KCNN2: variants seen among roughly 807,000 people sequenced by gnomAD.
The protein encoded by KCNN2 is potassium calcium-activated channel subfamily N member 2, also known as small conductance calcium-activated potassium channel protein 2.
A neutral mutation model predicts 55.5 loss-of-function variants in KCNN2; 24 were observed. The observed-to-expected ratio is 0.43, with a 90% confidence interval of 0.31 to 0.61. The LOEUF (loss-of-function observed/expected upper bound fraction) is 0.61, where lower values mean the gene tolerates loss of function less well. Among genes scored for constraint, KCNN2 ranks in the 20% least tolerant of loss-of-function variants. KCNN2 has a pLI of 0.08. For synonymous variants in KCNN2, 431 were observed against 336.1 expected (o/e 1.28, Z -3.09); for missense variants, 754 against 853.6 (o/e 0.88, Z 1.45).
At chr5:114,297,508 G>T (rs1198410412) in intron 2 of KCNN2, among the ~76,000 whole-genome samples, 2 of 152,058 alleles carry the variant, frequency 1.3e-5, no homozygotes, top group Non-Finnish European at 2.9e-5. Flanking sequence ...TTTACATTAG[G>T]TATGTAAATT....
chr5:114,386,430 A>G (rs1214694955), intron 2 of KCNN2, among the ~76,000 whole-genome samples: 2 of 152,166 alleles, frequency 1.3e-5, no homozygotes, highest in Non-Finnish European at 2.9e-5. Context: ...TTGAGTTCTT[A>G]TTTATAATGG....
intron 1 of KCNN2, among the ~76,000 whole-genome samples, chr5:114,131,322 C>T (rs976365458): frequency 6.6e-6 from 1 of 152,106 alleles, no homozygotes; most frequent in Non-Finnish European, 1.5e-5. Context: ...TCCTCCTGAC[C>T]CCCATGTGTC....
intron 3 of KCNN2, among the ~76,000 whole-genome samples, chr5:114,409,324 T>C (rs1445405006): frequency 6.8e-6 from 1 of 146,810 alleles, no homozygotes; most frequent in Non-Finnish European, 1.5e-5. Context: ...GTTTGTAAGA[T>C]ACAAAGATAA....
At chr5:114,294,086 T>C (rs1181068835) in intron 2 of KCNN2, among the ~76,000 whole-genome samples, 6 of 152,128 alleles carry the variant, frequency 3.9e-5, no homozygotes, top group Non-Finnish European at 7.4e-5. Flanking sequence ...TCTCTCTTTT[T>C]TTCTTTATTA....
At chr5:114,284,593 C>G (rs1213237105) in intron 2 of KCNN2, among the ~76,000 whole-genome samples, 1 of 152,128 alleles carries the variant, frequency 6.6e-6, no homozygotes, top group Non-Finnish European at 1.5e-5. Flanking sequence ...TCTTGGCTCA[C>G]TGCAATCTTT....
At chr5:114,057,677 T>G (rs1201128599) in intron 1 of KCNN2, among the ~76,000 whole-genome samples, 4 of 152,096 alleles carry the variant, frequency 2.6e-5, no homozygotes, top group Non-Finnish European at 5.9e-5. Context: ...CAGAGTAATG[T>G]GCTAGACTGG....
intron 2 of KCNN2, among the ~76,000 whole-genome samples, chr5:114,240,217 T>A (rs529535563): frequency 6.6e-6 from 1 of 151,980 alleles, no homozygotes; most frequent in Non-Finnish European, 1.5e-5. Context: ...AAATCACATA[T>A]AAAATGTATT....
intron 1 of KCNN2, among the ~76,000 whole-genome samples, chr5:114,211,344 A>G (rs1159677599): frequency 6.6e-6 from 1 of 152,216 alleles, no homozygotes; most frequent in African/African-American, 2.4e-5. Flanking sequence ...GATAAAGAAA[A>G]TATGGTACAT....
intron 2 of KCNN2, among the ~76,000 whole-genome samples, chr5:114,264,933 T>C (rs562048992): frequency 6.6e-6 from 1 of 152,348 alleles, no homozygotes; most frequent in South Asian, 2.1e-4. Context: ...ACCTATTGCC[T>C]GAAAACCTAA....
intron 4 of KCNN2, among the ~76,000 whole-genome samples, chr5:114,468,086 G>T (rs1410387114): frequency 6.6e-6 from 1 of 152,060 alleles, no homozygotes; most frequent in Non-Finnish European, 1.5e-5. Context: ...CTTACAATGA[G>T]GACATTTGAA....
intron 1 of KCNN2, among the ~76,000 whole-genome samples, chr5:114,071,040 A>T (rs570014192): frequency 6.6e-6 from 1 of 152,348 alleles, no homozygotes; most frequent in Admixed American, 6.5e-5. Flanking sequence ...AGGGTTTGAT[A>T]TGCTAGCCAT....
chr5:114,377,582 G>T (rs1355843128), intron 2 of KCNN2, among the ~76,000 whole-genome samples: 2 of 152,114 alleles, frequency 1.3e-5, no homozygotes, highest in East Asian at 3.9e-4. Flanking sequence ...TAGACCCCAA[G>T]AGGACAGTGT....
chr5:114,429,442 T>TTC (rs1434415954), intron 3 of KCNN2, among the ~76,000 whole-genome samples: 1 of 152,114 alleles, frequency 6.6e-6, no homozygotes, highest in Non-Finnish European at 1.5e-5. Flanking sequence ...TTGCCATCTG[T>TTC]ATATCTTCTT....
At chr5:114,477,437 T>C (rs1762021648) in intron 5 of KCNN2, among the ~76,000 whole-genome samples, 1 of 152,220 alleles carries the variant, frequency 6.6e-6, no homozygotes, top group African/African-American at 2.4e-5. Flanking sequence ...ATACTATTTA[T>C]TGTACATCAG....
At chr5:114,409,867 TTCTC>T (rs377480191) in intron 3 of KCNN2, among the ~76,000 whole-genome samples, 21 of 150,066 alleles carry the variant, frequency 1.4e-4, no homozygotes, top group East Asian at 3.9e-4. Flanking sequence ...GTAATAAAAA[TTCTC>T]TCTCTCTCTC....
intron 1 of KCNN2, among the ~76,000 whole-genome samples, chr5:114,215,632 C>A (rs1753985888): frequency 6.6e-6 from 1 of 152,136 alleles, no homozygotes; most frequent in African/African-American, 2.4e-5. Context: ...GAGCCACTCT[C>A]TGCACATCGA....
rs1342103159 is a variant in KCNN2, at chr5:114,259,741, A to G, written c.-185+38176A>G. On this transcript the variant is annotated intron_variant, in intron 2 of 10. Coordinates refer to the KCNN2 transcript ENST00000512097. ...CGAAACACTCCCACTCACCCTTCCA[A>G]TGAAGTAACAAGTCCCTCTGGATTT... Among the ~76,000 whole-genome samples the G allele has an allele frequency of 3.9e-5, 6 of 152,218 alleles. No homozygotes were observed. In the South Asian group the frequency reaches 8.3e-4, roughly 21 times the overall value.
At chr5:114,096,163 G>T (rs1308981815) in intron 1 of KCNN2, among the ~76,000 whole-genome samples, 1 of 152,052 alleles carries the variant, frequency 6.6e-6, no homozygotes, top group Non-Finnish European at 1.5e-5. Flanking sequence ...CAGCTCTCTA[G>T]GTTCTGTGAT....
At position 114,330,879 on chromosome 5, in the gene KCNN2, T is replaced by G. The variant is rs372361025; in HGVS notation, c.-184-30066T>G. Among the ~76,000 whole-genome samples the G allele has an allele frequency of 3.5e-4, 53 of 152,360 alleles. No individual in the cohort carries two copies. In the East Asian group the frequency reaches 9.2e-3, roughly 27 times the overall value. The stretch of plus-strand genomic sequence containing the variant: ...GGGATGACCTTGACTTACTCAATTC[T>G]ATATCTCAACTGAATGCAAAAAAAA... On this transcript the variant is annotated intron_variant, in intron 2 of 10. Transcript: ENST00000512097.
Sources: allele counts gnomAD v4.1 joint callset (sites outside exome capture counted in the v4.1 genomes callset), GRCh38; gene constraint gnomAD v4.1.1; transcripts MANE v1.5; gene names NCBI Gene and HGNC (gene_info 2026-07-23, HGNC 2026-07-21).